PDE12: variants seen among roughly 807,000 people sequenced by gnomAD.
The protein encoded by PDE12 is phosphodiesterase 12.
Under a neutral mutation model 45.4 loss-of-function variants are expected in PDE12, and 26 were observed. That is an observed-to-expected ratio of 0.57 (90% CI 0.42 to 0.79). The LOEUF is 0.79. Ranked by LOEUF, PDE12 falls within the 30% of genes least tolerant of loss-of-function variation. PDE12 has a pLI of 0.00. For synonymous variants in PDE12, 283 were observed against 323.9 expected, an observed-to-expected ratio of 0.87 and a Z score of 1.36; for missense variants, 668 against 790.0, an observed-to-expected ratio of 0.85 and a Z score of 1.85.
chr3:57,633,452 C>T, the PDE12 span: 9 of 981,866 alleles, frequency 9.2e-6, no homozygotes, highest in Non-Finnish European at 1.2e-5. Context: ...TACATTTATA[C>T]TTGATATTTA....
the PDE12 span, among the ~76,000 whole-genome samples, chr3:57,582,018 C>T: frequency 4.6e-5 from 7 of 152,130 alleles, no homozygotes; most frequent in African/African-American, 7.2e-5. Context: ...TGGAGTATAT[C>T]GGATTTTGGA....
Position 57,565,351 on chromosome 3 carries a change from A to G in PDE12, c.*5347A>G, listed in dbSNP as rs762428324. 2.0e-5 allele frequency: 3 copies of G among 152,212 alleles called. No individual in the cohort carries two copies. The highest frequency in any genetic ancestry group is 4.4e-5 in the Non-Finnish European group (3 of 68,042). The allele number at this position is 152,212 out of a possible 1,614,324, so 9.4% of individuals were successfully genotyped here. A position where few individuals can be genotyped will look rare whatever the true frequency, so the allele number is the denominator to read the frequency against. On this transcript the variant is annotated 3_prime_UTR_variant, in exon 3 of 3. Transcript: ENST00000311180. ...GAAAAAAACATATTTATCAACTTTT[A>G]AAAACATTTTATGGGTACATAGTAG...
At chr3:57,630,685 A>C in the PDE12 span, 1 of 1,597,166 alleles carries the variant, frequency 6.3e-7, no homozygotes, top group Non-Finnish European at 8.5e-7. Context: ...AGCACGACAC[A>C]TGGGTGTAAA....
rs1328520303 is a variant in PDE12 at position 57,566,192 on chromosome 3, C to T, written c.*6188C>T. ...TCCCTAGCTCCTGGCAACAACTTAA[C>T]CTGTCTCTGTGGATTTGCCTATTCT... On this transcript the variant is annotated 3_prime_UTR_variant, in exon 3 of 3. Coordinates refer to ENST00000311180, the MANE Select transcript of PDE12 (RefSeq NM_177966.7). 1 of 152,184 alleles carries T rather than the reference C, an allele frequency of 6.6e-6. No individual in the cohort carries two copies. The highest frequency in any genetic ancestry group is 2.4e-5 in the African/African-American group (1 of 41,434). 9.4% of individuals were successfully genotyped at this position (152,184 alleles called of 1,614,324 possible). A position where few individuals can be genotyped will look rare whatever the true frequency, so the allele number is the denominator to read the frequency against.
the PDE12 span, chr3:57,572,376 CTT>C: frequency 9.1e-6 from 10 of 1,101,392 alleles, no homozygotes; most frequent in Non-Finnish European, 1.4e-5. Flanking sequence ...CTTAATCAAA[CTT>C]AAGAGTCTTT....
chr3:57,588,204 G>A, the PDE12 span, among the ~76,000 whole-genome samples: 1 of 152,154 alleles, frequency 6.6e-6, no homozygotes, highest in Admixed American at 6.5e-5. Context: ...AGATGTACTG[G>A]AATACTTGTT....
chr3:57,590,442 C>T, the PDE12 span, among the ~76,000 whole-genome samples: 1 of 151,342 alleles, frequency 6.6e-6, no homozygotes, highest in Non-Finnish European at 1.5e-5. Flanking sequence ...GCCGAGATTG[C>T]GCCACTGCAC....
At chr3:57,584,110 TA>T in the PDE12 span, 3 of 825,172 alleles carry the variant, frequency 3.6e-6, no homozygotes, top group East Asian at 8.1e-5. Context: ...TACTTCTTTT[TA>T]TTTTTAAAAA....
the PDE12 span, among the ~76,000 whole-genome samples, chr3:57,607,286 T>C: frequency 1.3e-5 from 2 of 151,956 alleles, no homozygotes; most frequent in South Asian, 4.2e-4. Context: ...ACCACAAAGA[T>C]GGGGAAAAAC....
At position 57,560,062 on chromosome 3, in the gene PDE12, T is replaced by C. The variant is rs1340127278; in HGVS notation, c.*58T>C. The C allele has an allele frequency of 6.5e-7, 1 of 1,530,308 alleles. No individual in the cohort carries two copies. Among genetic ancestry groups the C allele is most frequent in the East Asian group, 2.3e-5 (1 of 44,318 alleles). 94.8% of individuals were successfully genotyped at this position (1,530,308 alleles called of 1,614,324 possible). A position where few individuals can be genotyped will look rare whatever the true frequency, so the allele number is the denominator to read the frequency against. ...GAAGTAGTTATTTTAGCAGAAAATTTAATATGAATCAAAGCTTATATGTAA... is the reference window on the plus strand; with the variant it reads ...GAAGTAGTTATTTTAGCAGAAAATTCAATATGAATCAAAGCTTATATGTAA... On this transcript the variant is annotated 3_prime_UTR_variant, in exon 3 of 3. Transcript: ENST00000311180.
At chr3:57,628,493 C>G in the PDE12 span, 3 of 1,168,594 alleles carry the variant, frequency 2.6e-6, no homozygotes, top group South Asian at 1.8e-5. Flanking sequence ...AAGCAAGGAG[C>G]ATTCTATTTA....
chr3:57,557,279 C>A lies in PDE12; in HGVS notation c.900C>A (p.Tyr300Ter). 1 of 1,613,996 alleles carries A rather than the reference C, an allele frequency of 6.2e-7. No individual in the cohort carries two copies. The highest frequency in any genetic ancestry group is 8.5e-7 in the Non-Finnish European group (1 of 1,180,024). The part of the protein sequence containing the change: ...TEDALIRTVS[Y>*]NILADTYAQT... ...ACGCTCTCATCCGCACTGTCTCTTACAACATCCTGGCAGACACGTACGCGC... is the reference window on the plus strand; with the variant it reads ...ACGCTCTCATCCGCACTGTCTCTTAAAACATCCTGGCAGACACGTACGCGC... Residue 300 changes from tyrosine (Y) to a stop codon, truncating the protein, a stop_gained, in exon 1 of 3, where the codon TAC (tyrosine) becomes TAA (stop). Transcript: ENST00000311180. LOFTEE classifies it high-confidence loss of function.
the PDE12 span, among the ~76,000 whole-genome samples, chr3:57,605,002 A>C: frequency 1.3e-5 from 2 of 152,052 alleles, no homozygotes; most frequent in African/African-American, 4.8e-5. Context: ...AGATTTACCC[A>C]CTCACCTAAA....
chr3:57,641,794 G>A, the PDE12 span: 1 of 1,496,772 alleles, frequency 6.7e-7, no homozygotes, highest in Non-Finnish European at 9.2e-7. Context: ...AGAAAAAGAT[G>A]AATGCTAAAT....
chr3:57,594,324 G>A, the PDE12 span, among the ~76,000 whole-genome samples: 1 of 152,130 alleles, frequency 6.6e-6, no homozygotes, highest in African/African-American at 2.4e-5. Flanking sequence ...TGGCCTCAAT[G>A]TGATCCTCCC....
At chr3:57,642,737 G>A in the PDE12 span, among the ~76,000 whole-genome samples, 1 of 152,110 alleles carries the variant, frequency 6.6e-6, no homozygotes, top group Non-Finnish European at 1.5e-5. Context: ...AGGCGCGGTG[G>A]CTCACGCCTG....
chr3:57,635,880 T>G, the PDE12 span, among the ~76,000 whole-genome samples: 1 of 152,188 alleles, frequency 6.6e-6, no homozygotes, highest in East Asian at 1.9e-4. Flanking sequence ...GACCATTCCC[T>G]CCTCTTCCTC....
At chr3:57,653,565 T>C in the PDE12 span, among the ~76,000 whole-genome samples, 1 of 151,456 alleles carries the variant, frequency 6.6e-6, no homozygotes, top group Non-Finnish European at 1.5e-5. Context: ...CTAACAACGG[T>C]GAAACCCCGT....
At chr3:57,606,307 T>C in the PDE12 span, among the ~76,000 whole-genome samples, 2 of 152,188 alleles carry the variant, frequency 1.3e-5, no homozygotes, top group East Asian at 1.9e-4. Flanking sequence ...ACTGGAAACA[T>C]TGCAGACAAG....
Sources: allele counts gnomAD v4.1 joint callset (sites outside exome capture counted in the v4.1 genomes callset), GRCh38; gene constraint gnomAD v4.1.1; transcripts MANE v1.5; gene names NCBI Gene and HGNC (gene_info 2026-07-23, HGNC 2026-07-21).